The following ZNF697 variants were observed in gnomAD, a reference collection of about 807,000 sequenced individuals.
ZNF697 encodes the protein zinc finger protein 697.
ZNF697 carries 23 observed loss-of-function variants against 32.4 expected under a neutral mutation model. The ratio of observed to expected loss-of-function variants is 0.71; its 90% CI spans 0.51 to 1.01. The LOEUF is 1.01. Among genes scored for constraint, ZNF697 ranks in the 50% least tolerant of loss-of-function variants. ZNF697 has a pLI of 0.00. For synonymous variants in ZNF697, 418 were observed against 337.2 expected (o/e 1.24, Z -2.62); for missense variants, 930 against 794.0 (o/e 1.17, Z -2.06).
intron 1 of ZNF697, among the ~76,000 whole-genome samples, chr1:119,644,512 C>T (rs1649153845): frequency 6.6e-6 from 1 of 152,190 alleles, no homozygotes; most frequent in East Asian, 1.9e-4. Flanking sequence ...AAAGCAAATT[C>T]TGAACAGGCT....
chr1:119,647,405 G>C (rs1447906746), intron 1 of ZNF697, among the ~76,000 whole-genome samples: 1 of 152,138 alleles, frequency 6.6e-6, no homozygotes, highest in Non-Finnish European at 1.5e-5. Flanking sequence ...ACCCCTCTTG[G>C]GCTGCGAGCT....
intron 2 of ZNF697, among the ~76,000 whole-genome samples, chr1:119,624,945 C>A (rs1257864630): frequency 1.5e-5 from 2 of 131,420 alleles, no homozygotes; most frequent in Admixed American, 9.7e-5. Context: ...TATGATGGAA[C>A]AAAAAACTGA....
chr1:119,637,721 AAACTT>A (rs1176740546), intron 1 of ZNF697, among the ~76,000 whole-genome samples: 1 of 152,216 alleles, frequency 6.6e-6, no homozygotes, highest in Admixed American at 6.5e-5. Flanking sequence ...AATGTTCTTC[AAACTT>A]AACTTCATGT....
At chr1:119,645,058 A>G (rs1015865585) in intron 1 of ZNF697, among the ~76,000 whole-genome samples, 2 of 152,202 alleles carry the variant, frequency 1.3e-5, no homozygotes, top group African/African-American at 4.8e-5. Context: ...AATCCACTCC[A>G]TATTCTGCCT....
At position 119,622,790 on chromosome 1, in the gene ZNF697, T is replaced by TTGCCCGTG; in HGVS notation, c.1545_1552dup (p.Asn518ThrfsTer67). 1 of 1,598,804 alleles carries TTGCCCGTG rather than the reference T, an allele frequency of 6.3e-7. No individual in the cohort carries two copies. Among genetic ancestry groups the TTGCCCGTG allele is most frequent in the Non-Finnish European group, 8.5e-7 (1 of 1,172,850 alleles). On this transcript the variant is annotated frameshift_variant, in exon 3 of 3. Coordinates refer to ENST00000421812, the MANE Select transcript of ZNF697 (RefSeq NM_001080470.2). LOFTEE classifies it high-confidence loss of function. ...GCAGCCCGCACACTTGTGCGGCTTG[T>TTGCCCGTG]TGCCCGTGTGGATGCGGCGGTGGCG...
chr1:119,631,601 TTGGGCCCCGCC>T (rs922559370), intron 1 of ZNF697, among the ~76,000 whole-genome samples: 9 of 59,430 alleles, frequency 1.5e-4, no homozygotes, highest in Non-Finnish European at 2.1e-4. Flanking sequence ...TGGGCCCCGC[TTGGGCCCCGCC>T]TGGGCCCCGC....
Position 119,622,614 on chromosome 1 carries a change from C to T in ZNF697, c.*91G>A, listed in dbSNP as rs955835781. ...CCAGTCACTCTCAGATTGTCCCTCC[C>T]GCCCCTTCCCCACTTCCTTCCCCTG... On this transcript the variant is annotated 3_prime_UTR_variant, in exon 3 of 3. Coordinates refer to ENST00000421812, the MANE Select transcript of ZNF697 (RefSeq NM_001080470.2). 5 of 1,434,702 alleles carry T rather than the reference C, an allele frequency of 3.5e-6. No individual in the cohort carries two copies. Among genetic ancestry groups the T allele is most frequent in the African/African-American group, 1.4e-5 (1 of 69,790 alleles). 88.9% of individuals were successfully genotyped at this position (1,434,702 alleles called of 1,614,324 possible).
rs1248160681 is a variant in ZNF697, at chr1:119,620,149, C to T, written c.*2556G>A. 1 of 152,586 alleles carries T rather than the reference C, an allele frequency of 6.6e-6. No individual in the cohort carries two copies. Among genetic ancestry groups the T allele is most frequent in the Non-Finnish European group, 1.5e-5 (1 of 68,018 alleles). The allele number at this position is 152,586 out of a possible 1,614,324, so 9.5% of individuals were successfully genotyped here. A position where few individuals can be genotyped will look rare whatever the true frequency, so the allele number is the denominator to read the frequency against. ...TTGGTAGTTGGATTGTTTTCTTCTG[C>T]TAAGAATGTGCTCATAGAAGGGATA... On this transcript the variant is annotated 3_prime_UTR_variant, in exon 3 of 3. Coordinates refer to ENST00000421812, the MANE Select transcript of ZNF697 (RefSeq NM_001080470.2).
Position 119,619,517 on chromosome 1 carries a change from A to G in ZNF697, c.*3188T>C, listed in dbSNP as rs1291462415. ...AACCATCGTTAAATAAAACAACCTG[A>G]AAATAAGGCAAATCTCACGTATACA... On this transcript the variant is annotated 3_prime_UTR_variant, in exon 3 of 3. Transcript: ENST00000421812. The G allele has an allele frequency of 6.6e-6, 1 of 152,556 alleles. No individual in the cohort carries two copies. Among genetic ancestry groups the G allele is most frequent in the Non-Finnish European group, 1.5e-5 (1 of 68,040 alleles). 9.5% of individuals were successfully genotyped at this position (152,556 alleles called of 1,614,324 possible).
chr1:119,623,753 C>G lies in ZNF697; in HGVS notation c.590G>C (p.Ser197Thr), dbSNP rs1408176534. The change falls in exon 3 of 3, where the codon AGC becomes ACC. Residue 197 changes from serine (S) to threonine (T), a missense_variant. Physicochemically the swap from Ser to Thr is moderately conservative, Grantham distance 58 (BLOSUM62 1). Transcript: ENST00000421812. ...APTICPDCGE[S>T]FSPGAAFLQH... is the part of the protein sequence containing the mutation. ...CAGGAAGGCGGCGCCAGGACTGAAGCTCTCCCCGCAGTCGGGGCAGATGGT... is the reference window on the plus strand; with the variant it reads ...CAGGAAGGCGGCGCCAGGACTGAAGGTCTCCCCGCAGTCGGGGCAGATGGT... 4 of 1,541,030 alleles carry G rather than the reference C, an allele frequency of 2.6e-6. No homozygotes were observed. The highest frequency in any genetic ancestry group is 3.5e-6 in the Non-Finnish European group (4 of 1,146,370).
At chr1:119,640,424 A>G (rs1649036516) in intron 1 of ZNF697, among the ~76,000 whole-genome samples, 1 of 152,238 alleles carries the variant, frequency 6.6e-6, no homozygotes, top group Admixed American at 6.5e-5. Flanking sequence ...AACATGCTTA[A>G]TTACCCTGCT....
Position 119,640,268 on chromosome 1 carries a change from T to C in ZNF697, c.-38+7423A>G, listed in dbSNP as rs1649032253. On this transcript the variant is annotated intron_variant, in intron 1 of 2. Coordinates refer to ENST00000421812, the MANE Select transcript of ZNF697 (RefSeq NM_001080470.2). ...TTGAAATGGATAAAATCAGGAGTAA[T>C]TATTTCTTCCCCTCGGTCTCAAAAG... 2.6e-5 allele frequency among the ~76,000 whole-genome samples: 4 copies of C among 152,168 alleles called. No individual in the cohort carries two copies. In the South Asian group the frequency reaches 8.3e-4, roughly 31 times the overall value.
In ZNF697 at chr1:119,648,146, C is replaced by A. The variant is rs1355470513; in HGVS notation, c.-493G>T. ...CGAGCCCCGCACCGCAGCGCGTCTGCCCTTGTGCGGCGGCGGCGGCTGCAG... is the reference window on the plus strand; with the variant it reads ...CGAGCCCCGCACCGCAGCGCGTCTGACCTTGTGCGGCGGCGGCGGCTGCAG... On this transcript the variant is annotated 5_prime_UTR_variant, in exon 1 of 3. Coordinates refer to ENST00000421812, the MANE Select transcript of ZNF697 (RefSeq NM_001080470.2). 6.6e-6 allele frequency among the ~76,000 whole-genome samples: 1 copy of A among 151,846 alleles called. No homozygotes were observed. Among genetic ancestry groups the A allele is most frequent in the African/African-American group, 2.4e-5 (1 of 41,346 alleles).
rs761142363 is a variant in ZNF697 at position 119,623,900 on chromosome 1, G to A, written c.443C>T (p.Ser148Phe). The A allele has an allele frequency of 7.1e-6, 11 of 1,555,146 alleles. No homozygotes were observed. In the East Asian group the frequency reaches 1.7e-4, roughly 24 times the overall value. Residue 148 changes from serine to phenylalanine, a missense_variant, in exon 3 of 3, where the codon TCC (serine) becomes TTC (phenylalanine). Physicochemically the swap from Ser to Phe is radical, Grantham distance 155. Coordinates refer to ENST00000421812, the MANE Select transcript of ZNF697 (RefSeq NM_001080470.2). ...GTCACCTCGGTGCCGACTCCCCAGG[G>A]AGAGATGTCGCCTCCAGGGAAGTAC... ...PPVLPWRRHL[S>F]LGSRHRGDKP...
At chr1:119,644,139 C>T (rs1649146493) in intron 1 of ZNF697, among the ~76,000 whole-genome samples, 1 of 152,116 alleles carries the variant, frequency 6.6e-6, no homozygotes, top group Non-Finnish European at 1.5e-5. Flanking sequence ...GAATTTCAAA[C>T]AATGCAAGAG....
chr1:119,623,282 G>T lies in ZNF697; in HGVS notation c.1061C>A (p.Ala354Asp), dbSNP rs1434319197. Residue 354 changes from alanine to aspartate, a missense_variant, in exon 3 of 3, where the codon GCC becomes GAC. By Grantham distance (126) the Ala-to-Asp change is moderately radical. Transcript: ENST00000421812. ...GAGAAALRPFACGECGKGFVR... is the reference protein window; with the variant it reads ...GAGAAALRPFDCGECGKGFVR... Reference sequence around the variant, plus strand: ...GAAGCCCTTGCCGCACTCCCCGCAGGCGAAGGGCCGCAGCGCCGCCGCCCC... The same window carrying T: ...GAAGCCCTTGCCGCACTCCCCGCAGTCGAAGGGCCGCAGCGCCGCCGCCCC... 1.4e-6 allele frequency: 2 copies of T among 1,468,170 alleles called. No individual in the cohort carries two copies. Among genetic ancestry groups the T allele is most frequent in the Non-Finnish European group, 1.8e-6 (2 of 1,113,464 alleles). 90.9% of individuals were successfully genotyped at this position (1,468,170 alleles called of 1,614,324 possible). A position where few individuals can be genotyped will look rare whatever the true frequency, so the allele number is the denominator to read the frequency against.
intron 1 of ZNF697, among the ~76,000 whole-genome samples, chr1:119,634,283 T>C (rs1648862391): frequency 6.6e-6 from 1 of 152,222 alleles, no homozygotes; most frequent in Non-Finnish European, 1.5e-5. Context: ...CTTCCCACTG[T>C]ATATTCAACA....
chr1:119,632,473 G>A (rs1043349392), intron 1 of ZNF697, among the ~76,000 whole-genome samples: 31 of 152,314 alleles, frequency 2.0e-4, no homozygotes, highest in African/African-American at 7.2e-4. Context: ...TTTTTACCTG[G>A]AGAGGGAAGC....
rs2101074907 is a variant in ZNF697, at chr1:119,621,881, T to A, written c.*824A>T. ...TTCCCTGCACTTAAAACACCACAGT[T>A]GAGACCTGAAAGAAATACTGGGTGT... On this transcript the variant is annotated 3_prime_UTR_variant, in exon 3 of 3. Coordinates refer to ENST00000421812, the MANE Select transcript of ZNF697 (RefSeq NM_001080470.2). 6.7e-6 allele frequency: 1 copy of A among 148,790 alleles called. No homozygotes were observed. Among genetic ancestry groups the A allele is most frequent in the African/African-American group, 2.5e-5 (1 of 39,868 alleles). 9.2% of individuals were successfully genotyped at this position (148,790 alleles called of 1,614,324 possible). A position where few individuals can be genotyped will look rare whatever the true frequency, so the allele number is the denominator to read the frequency against.
Sources: gnomAD v4.1 joint callset for allele counts (sites outside exome capture counted in the v4.1 genomes callset) on GRCh38, gnomAD v4.1.1 for gene constraint, MANE v1.5 for transcripts, NCBI Gene and HGNC (gene_info 2026-07-23, HGNC 2026-07-21) for gene names.